The following ANKRD28 variants were observed in gnomAD, a reference collection of about 807,000 sequenced individuals.
ANKRD28 encodes ankyrin repeat domain 28.
Under a neutral mutation model 126.5 loss-of-function variants are expected in ANKRD28, and 44 were observed. The ratio of observed to expected loss-of-function variants is 0.35; its 90% CI spans 0.27 to 0.45. The LOEUF (loss-of-function observed/expected upper bound fraction) is 0.45. Among genes scored for constraint, ANKRD28 ranks in the 20% least tolerant of loss-of-function variants. The pLI is 1.00. For synonymous variants in ANKRD28, 442 were observed against 468.5 expected (o/e 0.94, Z 0.73); for missense variants, 1,110 against 1,316.6 (o/e 0.84, Z 2.43).
At chr3:15,691,032 T>G (rs2047852) in intron 17 of ANKRD28, among the ~76,000 whole-genome samples, 74,230 of 151,956 alleles carry the variant, frequency 0.49, 20,112 homozygotes, top group Non-Finnish European at 0.6. Flanking sequence ...AGCAAAGAAA[T>G]GCATAACCGA....
intron 25 of ANKRD28, among the ~76,000 whole-genome samples, 171 bp from the exon 26 acceptor site, chr3:15,677,227 T>C (rs998041756): frequency 1.3e-5 from 2 of 152,130 alleles, no homozygotes; most frequent in African/African-American, 2.4e-5. Flanking sequence ...GGAGTGAGGG[T>C]AGGAGAAGAG....
rs1161798819 is a variant in ANKRD28, at chr3:15,817,391, G to A, written c.28-22085C>T. ...TTGCTCACAACATTAAGTTCCTAGAGCTACCGGTAGGCACCATTTCTTATT... is the reference window on the plus strand; with the variant it reads ...TTGCTCACAACATTAAGTTCCTAGAACTACCGGTAGGCACCATTTCTTATT... On this transcript the variant is annotated intron_variant, in intron 1 of 27. Transcript: ENST00000399451. The surrounding 1 kb of genome is among the most constrained non-coding windows in gnomAD (Gnocchi z 4.5). Among the ~76,000 whole-genome samples, 2 of 151,986 alleles carry A rather than the reference G, an allele frequency of 1.3e-5. No individual in the cohort carries two copies. The highest frequency in any genetic ancestry group is 1.5e-5 in the Non-Finnish European group (1 of 67,998).
chr3:15,718,827 AAATGTC>A (rs2073379141), intron 8 of ANKRD28, among the ~76,000 whole-genome samples: 1 of 152,228 alleles, frequency 6.6e-6, no homozygotes, highest in African/African-American at 2.4e-5. Context: ...TTGCTTTTGA[AAATGTC>A]AAGATTAATT....
intron 7 of ANKRD28, 22 bp from the exon 8 acceptor site, chr3:15,721,149 C>G: frequency 6.3e-7 from 1 of 1,586,640 alleles, no homozygotes; most frequent in Non-Finnish European, 8.6e-7. Flanking sequence ...GAAAAAAATG[C>G]GAATGTTAAA....
At position 15,709,673 on chromosome 3, in the gene ANKRD28, A is replaced by T. The variant is rs767656013; in HGVS notation, c.1401T>A (p.Phe467Leu). ...TGADFNKKDK[F>L]GRSPLHYAAA... is the part of the protein sequence containing the mutation. ...GAAACTGTATCATACCCTACCTCCC[A>T]AATTTGTCCTTTTTATTAAAGTCTG... is the stretch of plus-strand genomic sequence containing the variant. Residue 467 changes from phenylalanine to leucine, a missense_variant, in exon 13 of 28, where the codon TTT (phenylalanine) becomes TTA (leucine). Physicochemically the swap from Phe to Leu is conservative, Grantham distance 22 (BLOSUM62 0). Coordinates refer to ENST00000683139, the MANE Select transcript of ANKRD28 (RefSeq NM_001349278.2). The T allele has an allele frequency of 1.5e-5, 24 of 1,578,994 alleles. No homozygotes were observed. The highest frequency in any genetic ancestry group is 8.2e-5 in the South Asian group (7 of 85,882).
At position 15,720,766 on chromosome 3, in the gene ANKRD28, T is replaced by C. The variant is rs2073643104; in HGVS notation, c.996+149A>G. 3 of 739,404 alleles carry C rather than the reference T, an allele frequency of 4.1e-6. No individual in the cohort carries two copies. The South Asian group carries it at 6.2e-5, about 15-fold the overall frequency. 45.8% of individuals were successfully genotyped at this position (739,404 alleles called of 1,614,324 possible). On this transcript the variant is annotated intron_variant, in intron 8 of 27. Coordinates refer to ENST00000683139, the MANE Select transcript of ANKRD28 (RefSeq NM_001349278.2). ...TGGAAAGAATGTACATACTCTTGAG[T>C]AAGGCTTTCACTCAGCATAATATTT...
intron 3 of ANKRD28, among the ~76,000 whole-genome samples, chr3:15,754,087 T>TAA (rs1236248985): frequency 6.6e-6 from 1 of 152,238 alleles, no homozygotes; most frequent in Non-Finnish European, 1.5e-5. Context: ...ATTTTTATCT[T>TAA]ATCACACAAT....
chr3:15,785,529 T>C (rs1291381523), intron 2 of ANKRD28, among the ~76,000 whole-genome samples: 1 of 152,030 alleles, frequency 6.6e-6, no homozygotes, highest in Non-Finnish European at 1.5e-5. Context: ...TACGCACCTA[T>C]TAGAATGGTC....
chr3:15,821,236 T>C (rs2125911476), intron 1 of ANKRD28, among the ~76,000 whole-genome samples: 1 of 152,306 alleles, frequency 6.6e-6, no homozygotes, highest in East Asian at 1.9e-4. Context: ...ATGGTGAGCT[T>C]ACTACAAAAA....
rs577647660 is a variant in ANKRD28 at position 15,829,126 on chromosome 3, A to T, written c.27+30251T>A. Among the ~76,000 whole-genome samples the T allele has an allele frequency of 1.8e-4, 27 of 152,316 alleles. 1 individual carries two copies. The East Asian group carries it at 4.8e-3, about 27-fold the overall frequency. On this transcript the variant is annotated intron_variant, in intron 1 of 27. Transcript: ENST00000399451. ...TTGCTTATGAGGATTATTTCTACTG[A>T]TGTCTACTGTATTCAAAATCAAAAC... is the stretch of plus-strand genomic sequence containing the variant.
chr3:15,767,333 C>A (rs190126488), intron 2 of ANKRD28, among the ~76,000 whole-genome samples: 1 of 140,108 alleles, frequency 7.1e-6, no homozygotes, highest in Non-Finnish European at 1.5e-5. Context: ...CAGAAATACT[C>A]ACATTGAAAC....
In ANKRD28 at chr3:15,853,989, G is replaced by T. The variant is rs944446522; in HGVS notation, c.27+5388C>A. ...CTCGATCTGTACTAAAATATTTTAC[G>T]TATGTTCTGATTTACAGCAGTAGCT... On this transcript the variant is annotated intron_variant, in intron 1 of 27. Transcript: ENST00000399451. This position sits in a 1 kb window ranked among gnomAD's most constrained non-coding sequence, Gnocchi z 4.2. Among the ~76,000 whole-genome samples the T allele has an allele frequency of 2.6e-5, 4 of 152,082 alleles. No homozygotes were observed. Among genetic ancestry groups the T allele is most frequent in the Non-Finnish European group, 4.4e-5 (3 of 68,010 alleles).
intron 1 of ANKRD28, among the ~76,000 whole-genome samples, chr3:15,808,535 A>G (rs1400562332): frequency 6.6e-6 from 1 of 152,228 alleles, no homozygotes; most frequent in African/African-American, 2.4e-5. Flanking sequence ...TCATTTATTA[A>G]GTACTTCTTA....
chr3:15,759,074 T>C (rs527834600), intron 3 of ANKRD28, among the ~76,000 whole-genome samples: 3 of 152,244 alleles, frequency 2.0e-5, no homozygotes, highest in South Asian at 2.1e-4. Flanking sequence ...GGCCAGCAAA[T>C]AGTCTTTAAA....
intron 6 of ANKRD28, among the ~76,000 whole-genome samples, chr3:15,734,809 T>C (rs1006321973): frequency 6.6e-6 from 1 of 152,214 alleles, no homozygotes; most frequent in Non-Finnish European, 1.5e-5. Context: ...CCAATTAATG[T>C]TTCTGTTAGT....
rs557111907 is a variant in ANKRD28 at position 15,836,586 on chromosome 3, C to T, written c.27+22791G>A. ...CTAATTGTATGCTGTCTACCTAACA[C>T]TTTAGATTCAAAGACACAAGCAGGC... On this transcript the variant is annotated intron_variant, in intron 1 of 27. Transcript: ENST00000399451. Among the ~76,000 whole-genome samples the T allele has an allele frequency of 4.6e-5, 7 of 152,206 alleles. No individual in the cohort carries two copies. In the South Asian group the frequency reaches 1.4e-3, roughly 32 times the overall value.
At chr3:15,811,594 G>T (rs575338000) in intron 1 of ANKRD28, among the ~76,000 whole-genome samples, 41 of 152,038 alleles carry the variant, frequency 2.7e-4, no homozygotes, top group African/African-American at 8.7e-4. Context: ...AGCTGGGACT[G>T]CAGGTGCACG....
intron 14 of ANKRD28, among the ~76,000 whole-genome samples, chr3:15,700,710 G>T (rs2070451005): frequency 6.6e-6 from 1 of 152,130 alleles, no homozygotes; most frequent in Non-Finnish European, 1.5e-5. Context: ...GGAGGCGGAG[G>T]TTGCAGTGAG....
chr3:15,695,107 A>G, intron 16 of ANKRD28, 81 bp downstream of exon 16: 2 of 1,156,208 alleles, frequency 1.7e-6, no homozygotes, highest in Non-Finnish European at 2.6e-6. Context: ...TTCAGCTCTA[A>G]TGAGAGCAAA....
Sources: allele counts gnomAD v4.1 joint callset (sites outside exome capture counted in the v4.1 genomes callset), GRCh38; gene constraint gnomAD v4.1.1; non-coding constraint Gnocchi (gnomAD v3.1); transcripts MANE v1.5; gene names NCBI Gene and HGNC (gene_info 2026-07-23, HGNC 2026-07-21).